The following ABLIM2 variants were observed in gnomAD, a reference collection of about 807,000 sequenced individuals.
ABLIM2 encodes the protein actin binding LIM protein family member 2.
A neutral mutation model predicts 97.7 loss-of-function variants in ABLIM2; 53 were observed. The observed-to-expected ratio is 0.54, with a 90% CI of 0.44 to 0.68. The LOEUF (loss-of-function observed/expected upper bound fraction) is 0.68. Among genes scored for constraint, ABLIM2 ranks in the 30% least tolerant of loss-of-function variants. The pLI is 0.00. For missense variants in ABLIM2, 835 were observed against 867.2 expected, an observed-to-expected ratio of 0.96 and a Z score of 0.47; for synonymous variants, 361 against 345.8, an observed-to-expected ratio of 1.04 and a Z score of -0.49.
At chr4:8,045,090 T>A in intron 9 of ABLIM2, 74 bp downstream of exon 9, 5 of 1,387,418 alleles carry the variant, frequency 3.6e-6, no homozygotes, top group Non-Finnish European at 4.1e-6. Flanking sequence ...AGGGGTGGGC[T>A]TAGCCACGGC....
At chr4:7,976,792 T>C (rs112602044) in intron 20 of ABLIM2, among the ~76,000 whole-genome samples, 7,269 of 151,960 alleles carry the variant, frequency 0.048, 550 homozygotes, top group African/African-American at 0.16. Context: ...CACACAAGTA[T>C]ACACACATAC....
In ABLIM2 at chr4:8,085,950, C is replaced by T. The variant is rs958895369; in HGVS notation, c.454+2219G>A. On this transcript the variant is annotated intron_variant, in intron 4 of 20. Coordinates refer to ENST00000447017, the MANE Select transcript of ABLIM2 (RefSeq NM_001130083.2). This position sits in a 1 kb window ranked among gnomAD's most constrained non-coding sequence, Gnocchi z 6.1. ...CTTCCGCCCCCTGATGGACAGAGCA[C>T]CCAGCACACCCACCCCTGCCAGGTA... Among the ~76,000 whole-genome samples, 10 of 152,280 alleles carry T rather than the reference C, an allele frequency of 6.6e-5. No homozygotes were observed. The highest frequency in any genetic ancestry group is 2.4e-4 in the African/African-American group (10 of 41,558).
chr4:8,024,445 C>T (rs1263693108), intron 12 of ABLIM2, among the ~76,000 whole-genome samples: 6 of 152,148 alleles, frequency 3.9e-5, no homozygotes, highest in East Asian at 1.9e-4. Context: ...CGGGCAGCCG[C>T]CCCCGTACAG....
intron 1 of ABLIM2, among the ~76,000 whole-genome samples, chr4:8,108,584 C>G (rs1838654487): frequency 6.6e-6 from 1 of 152,252 alleles, no homozygotes. Context: ...CAACTGATAG[C>G]CGTCCTAATT....
At position 7,986,162 on chromosome 4, in the gene ABLIM2, A is replaced by G. The variant is rs540216383; in HGVS notation, c.1681-1269T>C. Among the ~76,000 whole-genome samples, 28 of 152,372 alleles carry G rather than the reference A, an allele frequency of 1.8e-4. No individual in the cohort carries two copies. The highest frequency in any genetic ancestry group is 6.3e-4 in the African/African-American group (26 of 41,592). ...AAACTGGGTACAGGGATCACATTTC[A>G]GCAGGGAGAGTTCTGCAGCCAAAGG... On this transcript the variant is annotated intron_variant, in intron 17 of 20. Transcript: ENST00000447017. The surrounding 1 kb of genome is among the most constrained non-coding windows in gnomAD (Gnocchi z 4.3).
chr4:8,045,025 C>T, intron 9 of ABLIM2, 139 bp downstream of exon 9: 1 of 742,784 alleles, frequency 1.3e-6, no homozygotes, highest in Non-Finnish European at 2.3e-6. Flanking sequence ...GAAGCAGGGA[C>T]AAGAGCAATG....
intron 17 of ABLIM2, among the ~76,000 whole-genome samples, chr4:7,985,271 G>A (rs961845857): frequency 6.6e-6 from 1 of 152,176 alleles, no homozygotes; most frequent in African/African-American, 2.4e-5. Flanking sequence ...CTTTGCGCAC[G>A]CTGCGCTAGG....
rs766059141 is a variant in ABLIM2, at chr4:7,983,373, C to G, written c.1744-29G>C. 2.1e-5 allele frequency: 34 copies of G among 1,604,384 alleles called. No individual in the cohort carries two copies. In the East Asian group the frequency reaches 6.9e-4, roughly 33 times the overall value. On this transcript the variant is annotated intron_variant, in intron 19 of 20. Transcript: ENST00000447017. The stretch of plus-strand genomic sequence containing the variant: ...TTGGGGGAGGAAACCACAGGGTCAC[C>G]TCACGAAGCAAGTGTATGCTGGCAC...
At position 8,021,281 on chromosome 4, in the gene ABLIM2, C is replaced by T. The variant is rs144900680; in HGVS notation, c.1268-978G>A. 1.1e-4 allele frequency among the ~76,000 whole-genome samples: 17 copies of T among 152,300 alleles called. No individual in the cohort carries two copies. Among genetic ancestry groups the T allele is most frequent in the African/African-American group, 3.6e-4 (15 of 41,570 alleles). On this transcript the variant is annotated intron_variant, in intron 12 of 20. Coordinates refer to ENST00000447017, the MANE Select transcript of ABLIM2 (RefSeq NM_001130083.2). The surrounding 1 kb of genome is among the most constrained non-coding windows in gnomAD (Gnocchi z 5.5). ...CGAACAAGGTTGGATTATCAAGTCA[C>T]GCATCCAGAGGGCCGAGGTGACCTG...
chr4:7,989,614 G>A lies in ABLIM2; in HGVS notation c.1680+3252C>T, dbSNP rs57634205. Among the ~76,000 whole-genome samples the A allele has an allele frequency of 1.3e-4, 20 of 152,066 alleles. No individual in the cohort carries two copies. The East Asian group carries it at 3.9e-3, about 29-fold the overall frequency. Reference sequence around the variant, plus strand: ...GATATTACTATTGTCACTCTTGCTTGCCTTTTGTGATTTTAGTATCTTTCT... The same window carrying A: ...GATATTACTATTGTCACTCTTGCTTACCTTTTGTGATTTTAGTATCTTTCT... On this transcript the variant is annotated intron_variant, in intron 17 of 20. Transcript: ENST00000447017.
chr4:7,999,791 T>A lies in ABLIM2; in HGVS notation c.1619-6864A>T, dbSNP rs932302943. On this transcript the variant is annotated intron_variant, in intron 16 of 20. Coordinates refer to ENST00000447017, the MANE Select transcript of ABLIM2 (RefSeq NM_001130083.2). The surrounding 1 kb of genome is among the most constrained non-coding windows in gnomAD (Gnocchi z 4.4). ...AGGCCTACCCACTCCATGCCCAGGC[T>A]CAGCCAAACCAGGCTCCTGGCCGCC... 4.0e-4 allele frequency among the ~76,000 whole-genome samples: 61 copies of A among 152,104 alleles called. No individual in the cohort carries two copies. The highest frequency in any genetic ancestry group is 1.5e-3 in the African/African-American group (61 of 41,430).
rs1055982379 is a variant in ABLIM2, at chr4:8,008,956, AG to A, written c.1476+93del. 6 of 1,439,744 alleles carry A rather than the reference AG, an allele frequency of 4.2e-6. No individual in the cohort carries two copies. The African/African-American group carries it at 8.4e-5, about 20-fold the overall frequency. The allele number at this position is 1,439,744 out of a possible 1,614,324, so 89.2% of individuals were successfully genotyped here. On this transcript the variant is annotated intron_variant, in intron 15 of 20. Coordinates refer to ENST00000447017, the MANE Select transcript of ABLIM2 (RefSeq NM_001130083.2). ...GGGCCCCTAAGGAACAGAATGTAAG[AG>A]GAAGATTCGAAGTCTCAATCGGAGA...
At position 8,019,222 on chromosome 4, in the gene ABLIM2, T is replaced by C. The variant is rs769268227; in HGVS notation, c.1423+396A>G. ...GGAATAAACGACCGATTCAAGTTTG[T>C]TCTATATTCCAAAGATCGGGCCTGG... On this transcript the variant is annotated intron_variant, in intron 14 of 20. Transcript: ENST00000447017. The surrounding 1 kb of genome is among the most constrained non-coding windows in gnomAD (Gnocchi z 4.3). Among the ~76,000 whole-genome samples the C allele has an allele frequency of 7.2e-5, 11 of 152,218 alleles. No homozygotes were observed. The highest frequency in any genetic ancestry group is 1.5e-4 in the Non-Finnish European group (10 of 68,044).
chr4:8,073,667 C>G (rs573734215), intron 6 of ABLIM2, among the ~76,000 whole-genome samples: 6 of 152,318 alleles, frequency 3.9e-5, no homozygotes, highest in African/African-American at 1.2e-4. Flanking sequence ...CAGGAAAATA[C>G]TTATAGGACA....
intron 1 of ABLIM2, among the ~76,000 whole-genome samples, chr4:8,157,584 C>T (rs956154234): frequency 3.9e-5 from 6 of 152,202 alleles, no homozygotes; most frequent in African/African-American, 1.4e-4. Context: ...GGCCCTTAGC[C>T]CCCGCCCCCT....
chr4:8,115,881 C>G (rs905443222), intron 1 of ABLIM2, among the ~76,000 whole-genome samples: 2 of 152,160 alleles, frequency 1.3e-5, no homozygotes, highest in African/African-American at 2.4e-5. Context: ...TCTTAGGATG[C>G]TCATTCTGGG....
chr4:8,097,088 C>T lies in ABLIM2; in HGVS notation c.338+11G>A, dbSNP rs770458324. On this transcript the variant is annotated intron_variant, in intron 3 of 20. Coordinates refer to ENST00000447017, the MANE Select transcript of ABLIM2 (RefSeq NM_001130083.2). Reference sequence around the variant, plus strand: ...GCAGGGGAAGCAGAGGCCAGGTGCCCACTTACTCACCGGCAGACGGCACAC... The same window carrying T: ...GCAGGGGAAGCAGAGGCCAGGTGCCTACTTACTCACCGGCAGACGGCACAC... 4 of 1,597,140 alleles carry T rather than the reference C, an allele frequency of 2.5e-6. No individual in the cohort carries two copies. The highest frequency in any genetic ancestry group is 4.5e-5 in the East Asian group (2 of 44,384).
chr4:7,993,577 TGA>T (rs1294008619), intron 16 of ABLIM2, among the ~76,000 whole-genome samples: 2 of 152,052 alleles, frequency 1.3e-5, no homozygotes, highest in African/African-American at 4.8e-5. Context: ...TTTGGGAGGC[TGA>T]GGTGGGAGGA....
intron 10 of ABLIM2, 86 bp downstream of exon 10, chr4:8,036,063 T>C (rs1160112505): frequency 1.5e-5 from 22 of 1,506,110 alleles, no homozygotes; most frequent in Middle Eastern, 2.0e-4. Context: ...TCTGGCCCCA[T>C]AGGACACATG....
Sources: allele counts gnomAD v4.1 joint callset (sites outside exome capture counted in the v4.1 genomes callset), GRCh38; gene constraint gnomAD v4.1.1; non-coding constraint Gnocchi (gnomAD v3.1); transcripts MANE v1.5; gene names NCBI Gene and HGNC (gene_info 2026-07-23, HGNC 2026-07-21).